CEP112: variants seen among roughly 807,000 people sequenced by gnomAD.
The protein encoded by CEP112 is centrosomal protein of 112 kDa.
In CEP112, 127 loss-of-function variants were observed where a neutral mutation model predicts 153.0. That is an observed-to-expected ratio of 0.83 (90% confidence interval 0.72 to 0.96). CEP112 has a LOEUF of 0.96. Ranked by LOEUF, CEP112 falls within the 40% of genes least tolerant of loss-of-function variation. The pLI is 0.00. For missense variants in CEP112, 1,089 were observed against 1,101.2 expected (o/e 0.99, Z 0.16); for synonymous variants, 358 against 374.4 (o/e 0.96, Z 0.51).
At position 66,175,227 on chromosome 17, in the gene CEP112, A is replaced by T. The variant is rs1043353245; in HGVS notation, c.298-11T>A. On this transcript the variant is annotated splice_polypyrimidine_tract_variant and intron_variant, in intron 3 of 26. Coordinates refer to ENST00000535342, the MANE Select transcript of CEP112 (RefSeq NM_001199165.4). ...ATCAAAATAGATGGACTGATTTTTTAAAATTAGAAAAATTATTCTTTCAAA... is the reference window on the plus strand; with the variant it reads ...ATCAAAATAGATGGACTGATTTTTTTAAATTAGAAAAATTATTCTTTCAAA... The T allele has an allele frequency of 1.0e-4, 151 of 1,506,454 alleles. No individual in the cohort carries two copies. The highest frequency in any genetic ancestry group is 1.8e-4 in the Middle Eastern group (1 of 5,656). The allele number at this position is 1,506,454 out of a possible 1,614,324, so 93.3% of individuals were successfully genotyped here. A position where few individuals can be genotyped will look rare whatever the true frequency, so the allele number is the denominator to read the frequency against.
chr17:66,164,742 G>A (rs1226856986), intron 4 of CEP112, among the ~76,000 whole-genome samples: 2 of 151,580 alleles, frequency 1.3e-5, no homozygotes, highest in Non-Finnish European at 2.9e-5. Flanking sequence ...CGTAATCCCA[G>A]CTATTCAGGA....
intron 6 of CEP112, among the ~76,000 whole-genome samples, chr17:66,123,095 C>T (rs1331191123): frequency 2.0e-5 from 3 of 152,140 alleles, no homozygotes; most frequent in African/African-American, 7.2e-5. Flanking sequence ...TTCTTGTTCC[C>T]GGCTTGCATC....
intron 12 of CEP112, among the ~76,000 whole-genome samples, chr17:66,051,258 A>T (rs8182311): frequency 0.41 from 62,202 of 151,058 alleles, 14,248 homozygotes; most frequent in East Asian, 0.87. Flanking sequence ...GGAACTTCTT[A>T]AACTGAGTCC....
chr17:65,687,517 G>T (rs1474688829), intron 24 of CEP112, among the ~76,000 whole-genome samples: 6 of 151,920 alleles, frequency 3.9e-5, no homozygotes, highest in African/African-American at 1.5e-4. Context: ...TTATCCTATT[G>T]TTGGGTGTAT....
At chr17:65,715,193 G>T (rs558277962) in intron 23 of CEP112, among the ~76,000 whole-genome samples, 2 of 152,264 alleles carry the variant, frequency 1.3e-5, no homozygotes, top group African/African-American at 4.8e-5. Flanking sequence ...GGATGGAGGG[G>T]AAATATGCTG....
chr17:66,176,989 C>A lies in CEP112; in HGVS notation c.138G>T (p.Lys46Asn). The change falls in exon 3 of 27, where the codon AAG becomes AAT. Residue 46 changes from lysine to asparagine, a missense_variant. Lys to Asn is a moderately conservative substitution (Grantham distance 94). Coordinates refer to ENST00000535342, the MANE Select transcript of CEP112 (RefSeq NM_001199165.4). Reference protein sequence around the residue: ...ERQRCALWIRKLCEPSGTGAG... With the variant: ...ERQRCALWIRNLCEPSGTGAG... ...CACCTGTTCCTGAAGGTTCGCACAG[C>A]TTTCTAATCCAAAGAGCACACCTCT... 1 of 1,612,908 alleles carries A rather than the reference C, an allele frequency of 6.2e-7. No individual in the cohort carries two copies. Among genetic ancestry groups the A allele is most frequent in the African/African-American group, 1.3e-5 (1 of 74,988 alleles).
chr17:65,776,437 G>C (rs778239195), intron 21 of CEP112, among the ~76,000 whole-genome samples: 1 of 152,102 alleles, frequency 6.6e-6, no homozygotes, highest in Non-Finnish European at 1.5e-5. Flanking sequence ...ATGTTAGCCC[G>C]GATGGTCTCG....
At chr17:65,638,113 C>T (rs182447316) in intron 25 of CEP112, among the ~76,000 whole-genome samples, 6 of 152,326 alleles carry the variant, frequency 3.9e-5, no homozygotes, top group African/African-American at 1.4e-4. Context: ...CTATAGAAAC[C>T]GCCTAGTGCA....
In CEP112 at chr17:65,935,839, C is replaced by T. The variant is rs577591874; in HGVS notation, c.1873-8150G>A. On this transcript the variant is annotated intron_variant, in intron 18 of 26. Transcript: ENST00000535342. ...AAATCAACAACCTAATATTATACCT[C>T]AGAACTAAAAAAAAGGAAAAATGAA... Among the ~76,000 whole-genome samples, 15 of 150,658 alleles carry T rather than the reference C, an allele frequency of 1.0e-4. No individual in the cohort carries two copies. The East Asian group carries it at 2.9e-3, about 29-fold the overall frequency.
chr17:65,929,703 C>T (rs1476879958), intron 18 of CEP112, among the ~76,000 whole-genome samples: 3 of 152,128 alleles, frequency 2.0e-5, no homozygotes, highest in Non-Finnish European at 4.4e-5. Flanking sequence ...ATAGTATCAA[C>T]GATTTATCAC....
At chr17:66,097,274 T>C (rs12938160) in intron 6 of CEP112, among the ~76,000 whole-genome samples, 54,759 of 151,816 alleles carry the variant, frequency 0.36, 10,909 homozygotes, top group Non-Finnish European at 0.45. Flanking sequence ...TTCCCCCAAC[T>C]TCTACACATG....
At chr17:66,047,730 T>C (rs2066272861) in intron 12 of CEP112, among the ~76,000 whole-genome samples, 1 of 152,222 alleles carries the variant, frequency 6.6e-6, no homozygotes, top group African/African-American at 2.4e-5. Flanking sequence ...TTGAGTCTTT[T>C]CTACAGCAGA....
intron 21 of CEP112, among the ~76,000 whole-genome samples, chr17:65,851,069 G>A (rs2057913354): frequency 6.6e-6 from 1 of 152,140 alleles, no homozygotes; most frequent in Non-Finnish European, 1.5e-5. Flanking sequence ...AGAGGGATAG[G>A]TGGAAAGAAA....
Position 65,927,669 on chromosome 17 carries a change from A to T in CEP112, c.1893T>A (p.Asp631Glu). The change falls in exon 19 of 27, where the codon GAT (aspartate) becomes GAA (glutamate). Residue 631 changes from aspartate (D) to glutamate (E), a missense_variant. Transcript: ENST00000535342. ...MKEQMEKVEADLTRSKSLREK... is the reference protein window; with the variant it reads ...MKEQMEKVEAELTRSKSLREK... ...CACGAAGAGATTTGGATCTAGTTAG[A>T]TCTGCCTCCACTTTTTCCATCTATA... is the stretch of plus-strand genomic sequence containing the variant. 1 of 1,577,556 alleles carries T rather than the reference A, an allele frequency of 6.3e-7. No homozygotes were observed. Among genetic ancestry groups the T allele is most frequent in the South Asian group, 1.2e-5 (1 of 81,778 alleles).
At chr17:66,021,255 C>T (rs4643362) in intron 16 of CEP112, among the ~76,000 whole-genome samples, 78,261 of 151,856 alleles carry the variant, frequency 0.52, 21,098 homozygotes, top group African/African-American at 0.59. Context: ...CTAGCAGTGG[C>T]GGCAGCACCA....
chr17:65,895,828 C>T (rs1045560462), intron 20 of CEP112, among the ~76,000 whole-genome samples: 1 of 152,194 alleles, frequency 6.6e-6, no homozygotes, highest in East Asian at 1.9e-4. Flanking sequence ...GATACTTACA[C>T]ACCTGATATA....
chr17:65,941,368 G>T (rs961471277), intron 18 of CEP112: 6 of 151,994 alleles, frequency 3.9e-5, no homozygotes, highest in African/African-American at 1.4e-4. Context: ...AAAGGCTTTT[G>T]TATCAAAAGA....
chr17:66,003,964 T>G (rs2064164696), intron 17 of CEP112, among the ~76,000 whole-genome samples: 1 of 150,686 alleles, frequency 6.6e-6, no homozygotes. Context: ...GACCACTGAT[T>G]GAAAGAAATT....
intron 20 of CEP112, among the ~76,000 whole-genome samples, chr17:65,867,620 A>G (rs1448653112): frequency 6.6e-6 from 1 of 152,184 alleles, no homozygotes; most frequent in Admixed American, 6.5e-5. Context: ...TTTTGAAAAA[A>G]AAATTCTTGT....
Sources: gnomAD v4.1 joint callset for allele counts (sites outside exome capture counted in the v4.1 genomes callset) on GRCh38, gnomAD v4.1.1 for gene constraint, MANE v1.5 for transcripts, NCBI Gene and HGNC (gene_info 2026-07-23, HGNC 2026-07-21) for gene names.